EXT2: variants seen among roughly 807,000 people sequenced by gnomAD.
EXT2 encodes the protein exostosin-2.
In EXT2, 53 loss-of-function variants were observed where a neutral mutation model predicts 81.6. The observed-to-expected ratio is 0.65, with a 90% CI of 0.52 to 0.82. EXT2 has a LOEUF of 0.82. Ranked by LOEUF, EXT2 falls within the 40% of genes least tolerant of loss-of-function variation. The probability of loss-of-function intolerance (pLI) is 0.00; values close to 1 mark genes in which losing one functional copy is unlikely to be tolerated. For synonymous variants in EXT2, 320 were observed against 340.0 expected (o/e 0.94, Z 0.65); for missense variants, 774 against 910.2 (o/e 0.85, Z 1.93).
At chr11:44,225,575 AG>A (rs1955829956) in intron 10 of EXT2, among the ~76,000 whole-genome samples, 1 of 152,172 alleles carries the variant, frequency 6.6e-6, no homozygotes, top group African/African-American at 2.4e-5. Flanking sequence ...GGCACCACAG[AG>A]CTGAAGAACA....
chr11:44,212,803 A>G (rs146585226), intron 10 of EXT2, among the ~76,000 whole-genome samples: 4 of 152,234 alleles, frequency 2.6e-5, no homozygotes, highest in Admixed American at 2.6e-4. Context: ...TGTTATGCTA[A>G]GTGAACAAAG....
At chr11:44,206,319 A>G (rs904378619) in intron 9 of EXT2, among the ~76,000 whole-genome samples, 3 of 152,218 alleles carry the variant, frequency 2.0e-5, no homozygotes, top group Non-Finnish European at 4.4e-5. Context: ...GCTAGGATAT[A>G]CTTATCTGAA....
At position 44,124,818 on chromosome 11, in the gene EXT2, A is replaced by G. The variant is rs2135014787; in HGVS notation, c.773A>G (p.Gln258Arg). Residue 258 changes from glutamine to arginine, a missense_variant, in exon 5 of 14, where the codon CAG becomes CGG. Physicochemically the swap from Gln to Arg is conservative, Grantham distance 43 (BLOSUM62 1). Around this residue, in one of 2 missense-constraint regions of EXT2, gnomAD observed 626 missense variants for 670.5 expected, o/e 0.93. Coordinates refer to ENST00000533608, the MANE Select transcript of EXT2 (RefSeq NM_207122.2). Reference protein sequence around the residue: ...GPRQYFLLSSQVGLHPEYRED... With the variant: ...GPRQYFLLSSRVGLHPEYRED... Reference sequence around the variant, plus strand: ...CGGCAATACTTCCTCCTGTCATCTCAGGTGGGTCTCCATCCTGAGTACAGA... The same window carrying G: ...CGGCAATACTTCCTCCTGTCATCTCGGGTGGGTCTCCATCCTGAGTACAGA... 1 of 1,614,140 alleles carries G rather than the reference A, an allele frequency of 6.2e-7. No homozygotes were observed.
At chr11:44,129,534 C>T (rs557194687) in intron 6 of EXT2, among the ~76,000 whole-genome samples, 4 of 152,204 alleles carry the variant, frequency 2.6e-5, no homozygotes, top group Non-Finnish European at 5.9e-5. Context: ...ATTCTTCTGG[C>T]CTGCTTACTC....
intron 2 of EXT2, 28 bp downstream of exon 2, chr11:44,108,276 C>T: frequency 6.2e-7 from 1 of 1,605,292 alleles, no homozygotes; most frequent in African/African-American, 1.3e-5. Context: ...AGCCCAGCCC[C>T]CAGGAGATAC....
At chr11:44,190,980 G>T (rs979707028) in intron 8 of EXT2, among the ~76,000 whole-genome samples, 1 of 152,190 alleles carries the variant, frequency 6.6e-6, no homozygotes, top group Admixed American at 6.5e-5. Context: ...TCCTGAAGGG[G>T]AAACCCCTTT....
At position 44,107,987 on chromosome 11, in the gene EXT2, A is replaced by T. The variant is rs1405107639; in HGVS notation, c.275A>T (p.Asp92Val). 6.2e-7 allele frequency: 1 copy of T among 1,614,170 alleles called. No individual in the cohort carries two copies. The highest frequency in any genetic ancestry group is 1.7e-5 in the Admixed American group (1 of 60,028). Reference protein sequence around the residue: ...DLSCRMHTCFDVYRCGFNPKN... With the variant: ...DLSCRMHTCFVVYRCGFNPKN... ...AGTTGCAGAATGCACACGTGTTTTG[A>T]TGTCTATCGCTGTGGCTTCAACCCA... The change falls in exon 2 of 14, where the codon GAT becomes GTT. Residue 92 changes from aspartate (D) to valine (V), a missense_variant. Transcript: ENST00000533608.
intron 5 of EXT2, 151 bp from the exon 6 acceptor site, chr11:44,126,665 G>A: frequency 1.2e-6 from 1 of 849,486 alleles, no homozygotes; most frequent in Non-Finnish European, 2.0e-6. Context: ...AGTTTTACAG[G>A]TGTGAGCTGT....
In EXT2 at chr11:44,186,612, C is replaced by T. The variant is rs541446435; in HGVS notation, c.1306-11217C>T. ...AGTGCTATATGAAGAAAAAAATTGA[C>T]GTAGCTAAAACTCAGATAATAACAG... On this transcript the variant is annotated intron_variant, in intron 8 of 13. Transcript: ENST00000533608. Among the ~76,000 whole-genome samples the T allele has an allele frequency of 1.4e-4, 22 of 152,274 alleles. No homozygotes were observed. In the South Asian group the frequency reaches 1.4e-3, roughly 10 times the overall value.
chr11:44,234,996 C>T (rs569939511), intron 12 of EXT2, among the ~76,000 whole-genome samples: 65 of 152,266 alleles, frequency 4.3e-4, no homozygotes, highest in African/African-American at 1.6e-3. Context: ...AAGCATGGTA[C>T]AGCATTATCC....
At chr11:44,213,059 C>A (rs1955671953) in intron 10 of EXT2, among the ~76,000 whole-genome samples, 1 of 151,488 alleles carries the variant, frequency 6.6e-6, no homozygotes. Context: ...TATTTCAAAA[C>A]TTGAAAAAAA....
chr11:44,119,041 G>C (rs570180365), intron 4 of EXT2, among the ~76,000 whole-genome samples: 2 of 148,096 alleles, frequency 1.4e-5, no homozygotes, highest in Admixed American at 6.8e-5. Context: ...TTGAAAGCCT[G>C]TTTGGACCAA....
rs145884580 is a variant in EXT2, at chr11:44,108,156, C to T, written c.444C>T (p.Asn148=). The change falls in exon 2 of 14, where the codon AAC becomes AAT. Residue 148 remains asparagine, a synonymous_variant. Coordinates refer to ENST00000533608, the MANE Select transcript of EXT2 (RefSeq NM_207122.2). ...SDSDYYTDDI[N]RACLFVPSID... is the part of the protein sequence containing the mutation. ...GTGACTACTACACTGATGACATCAA[C>T]CGGGCCTGTCTGTTTGTTCCCTCCA... is the stretch of plus-strand genomic sequence containing the variant. 56 of 1,614,126 alleles carry T rather than the reference C, an allele frequency of 3.5e-5. No homozygotes were observed. The African/African-American group carries it at 6.9e-4, about 20-fold the overall frequency.
intron 8 of EXT2, among the ~76,000 whole-genome samples, chr11:44,187,397 A>T (rs767666266): frequency 6.6e-6 from 1 of 151,486 alleles, no homozygotes; most frequent in Non-Finnish European, 1.5e-5. Context: ...GCTGATGTTG[A>T]ACTCCTGGCC....
chr11:44,143,337 T>C (rs1295094503), intron 7 of EXT2, among the ~76,000 whole-genome samples: 2 of 152,206 alleles, frequency 1.3e-5, no homozygotes, highest in Non-Finnish European at 2.9e-5. Context: ...AACTGTGAGA[T>C]GTGAGAGGGA....
At chr11:44,239,828 A>G (rs1295826987) in intron 13 of EXT2, among the ~76,000 whole-genome samples, 3 of 151,998 alleles carry the variant, frequency 2.0e-5, no homozygotes, top group Middle Eastern at 3.4e-3. Flanking sequence ...TTAAAAAAAA[A>G]TGTTGAGCCC....
At chr11:44,095,912 C>T (rs900446807) in intron 1 of EXT2, 60 bp downstream of exon 1, 23 of 275,064 alleles carry the variant, frequency 8.4e-5, no homozygotes, top group African/African-American at 5.3e-4. Flanking sequence ...CTCGGGCCTC[C>T]GGGGGCCGCT....
chr11:44,118,861 T>C (rs947556458), intron 4 of EXT2, among the ~76,000 whole-genome samples: 6 of 151,936 alleles, frequency 3.9e-5, no homozygotes, highest in African/African-American at 1.2e-4. Flanking sequence ...TAACTATAAG[T>C]AGGGAAAAAA....
chr11:44,240,607 A>T (rs1189880056), intron 13 of EXT2, among the ~76,000 whole-genome samples: 4 of 152,220 alleles, frequency 2.6e-5, no homozygotes, highest in African/African-American at 9.6e-5. Flanking sequence ...TATGAAGCCA[A>T]AGGGTTATAG....
Sources: allele counts gnomAD v4.1 joint callset (sites outside exome capture counted in the v4.1 genomes callset), GRCh38; gene constraint gnomAD v4.1.1; regional missense constraint gnomAD v4.1.1; transcripts MANE v1.5; gene names NCBI Gene and HGNC (gene_info 2026-07-23, HGNC 2026-07-21).